Variants in SVIL observed in about 807,000 individuals in gnomAD.
The protein encoded by SVIL is supervillin, also known as archvillin.
Under a neutral mutation model 240.4 loss-of-function variants are expected in SVIL, and 101 were observed. The ratio of observed to expected loss-of-function variants is 0.42; its 90% CI spans 0.36 to 0.50. The LOEUF (loss-of-function observed/expected upper bound fraction) is 0.50. Ranked by LOEUF, SVIL falls within the 20% of genes least tolerant of loss-of-function variation. The pLI is 0.01. For synonymous variants in SVIL, 999 were observed against 1,100.0 expected (o/e 0.91, Z 1.82); for missense variants, 2,512 against 2,818.7 (o/e 0.89, Z 2.46).
intron 2 of SVIL, among the ~76,000 whole-genome samples, chr10:29,686,045 G>T (rs1961044281): frequency 6.6e-6 from 1 of 152,146 alleles, no homozygotes; most frequent in Admixed American, 6.5e-5. Flanking sequence ...GGACCAATTT[G>T]CCTAACAAAG....
At chr10:29,676,452 C>G (rs35444616) in intron 2 of SVIL, among the ~76,000 whole-genome samples, 345 of 152,240 alleles carry the variant, frequency 2.3e-3, no homozygotes, top group Non-Finnish European at 4.1e-3. Context: ...AACACAAATA[C>G]TAGGTAAATG....
intron 1 of SVIL, among the ~76,000 whole-genome samples, chr10:29,708,082 C>A (rs1263449061): frequency 6.6e-6 from 1 of 150,502 alleles, no homozygotes; most frequent in African/African-American, 2.4e-5. Flanking sequence ...ACGGTGAAAC[C>A]CCGTCTCCAC....
chr10:29,462,283 T>C lies in SVIL; in HGVS notation c.6396A>G (p.Thr2132=), dbSNP rs1432703726. 1.2e-6 allele frequency: 2 copies of C among 1,614,030 alleles called. No homozygotes were observed. The highest frequency in any genetic ancestry group is 2.2e-5 in the East Asian group (1 of 44,894). ...WEHREDIAEI[T]EMDTEVSNQI... is the part of the protein sequence containing the mutation. ...GGCAGGAAAGCGTGCTCACCATCTC[T>C]GTGATCTCAGCGATGTCCTCTCTGT... is the stretch of plus-strand genomic sequence containing the variant. Residue 2132 remains threonine (T), a synonymous_variant, in exon 36 of 38, where the codon ACA becomes ACG. Coordinates refer to ENST00000355867, the MANE Select transcript of SVIL (RefSeq NM_021738.3).
chr10:29,570,238 C>T (rs1365550712), intron 1 of SVIL, among the ~76,000 whole-genome samples: 2 of 152,222 alleles, frequency 1.3e-5, no homozygotes, highest in African/African-American at 4.8e-5. Flanking sequence ...AACATCTAAG[C>T]TTTTCTCTTA....
At chr10:29,636,777 T>G (rs1217558583), upstream of SVIL, among the ~76,000 whole-genome samples, 3 of 152,074 alleles carry the variant, frequency 2.0e-5, no homozygotes, top group East Asian at 5.8e-4. Flanking sequence ...CCTATCAAAA[T>G]CTTGCAAGGT....
rs1943733802 is a variant in SVIL, at chr10:29,457,820, T to C, written c.*427A>G. On this transcript the variant is annotated 3_prime_UTR_variant, in exon 38 of 38. Coordinates refer to ENST00000355867, the MANE Select transcript of SVIL (RefSeq NM_021738.3). The stretch of plus-strand genomic sequence containing the variant: ...ATCTTGAAAGTGAATGAATACATAT[T>C]GCTTTGTTAAATACATATTTGACTT... 1 of 152,762 alleles carries C rather than the reference T, an allele frequency of 6.5e-6. No individual in the cohort carries two copies. Among genetic ancestry groups the C allele is most frequent in the South Asian group, 2.1e-4 (1 of 4,832 alleles). 9.5% of individuals were successfully genotyped at this position (152,762 alleles called of 1,614,324 possible). A position where few individuals can be genotyped will look rare whatever the true frequency, so the allele number is the denominator to read the frequency against.
chr10:29,514,393 C>A (rs552552304), intron 16 of SVIL, among the ~76,000 whole-genome samples: 3 of 152,062 alleles, frequency 2.0e-5, no homozygotes, highest in Admixed American at 6.6e-5. Context: ...TGCATCACTG[C>A]GCCTGGTTAA....
intron 1 of SVIL, among the ~76,000 whole-genome samples, chr10:29,573,051 C>T (rs1490793466): frequency 2.0e-5 from 3 of 151,362 alleles, no homozygotes; most frequent in Non-Finnish European, 4.4e-5. Context: ...TTTTCCTTTT[C>T]TCCTTTTTTT....
chr10:29,735,500 G>A lies in SVIL; in HGVS notation c.-400+251C>T, dbSNP rs1334031536. Among the ~76,000 whole-genome samples the A allele has an allele frequency of 2.0e-5, 3 of 150,222 alleles. No individual in the cohort carries two copies. The highest frequency in any genetic ancestry group is 7.4e-5 in the African/African-American group (3 of 40,808). ...AGTGGGTGGGAGCCGCGGCCGCGCC[G>A]CGCCTTTGTTACGGCTCGGGGACCC... On this transcript the variant is annotated intron_variant, in intron 1 of 35. Transcript: ENST00000375400. This position sits in a 1 kb window ranked among gnomAD's most constrained non-coding sequence, Gnocchi z 4.1.
chr10:29,682,406 T>C (rs1166196393), intron 2 of SVIL, among the ~76,000 whole-genome samples: 1 of 152,176 alleles, frequency 6.6e-6, no homozygotes, highest in Non-Finnish European at 1.5e-5. Context: ...ATTAAGTAAA[T>C]GTTTATGAAG....
Position 29,484,771 on chromosome 10 carries a change from C to G in SVIL, c.4840G>C (p.Ala1614Pro). The stretch of plus-strand genomic sequence containing the variant: ...AGCTGAAATGCTATTTTTCGTTGTG[C>G]TAATGTGACTTCTTTCCCATGCCAT... ...YVWHGKEVTL[A>P]QRKIAFQLAK... The change falls in exon 27 of 38, where the codon GCA (alanine) becomes CCA (proline). Residue 1614 changes from alanine (A) to proline (P), a missense_variant. Physicochemically the swap from Ala to Pro is conservative, Grantham distance 27. This residue lies in a region of SVIL where 797 missense variants were observed against 925.3 expected (regional missense o/e 0.86). Coordinates refer to ENST00000355867, the MANE Select transcript of SVIL (RefSeq NM_021738.3). This position sits in a 1 kb window ranked among gnomAD's most constrained non-coding sequence, Gnocchi z 4.7. 1.2e-6 allele frequency: 2 copies of G among 1,613,876 alleles called. No individual in the cohort carries two copies. Among genetic ancestry groups the G allele is most frequent in the South Asian group, 2.2e-5 (2 of 91,020 alleles).
chr10:29,526,766 A>G (rs772804171), intron 13 of SVIL, among the ~76,000 whole-genome samples, 195 bp downstream of exon 13: 2 of 152,226 alleles, frequency 1.3e-5, no homozygotes, highest in Non-Finnish European at 2.9e-5. Context: ...AGAGAGACAA[A>G]ATGTTTTCCC....
upstream of SVIL, among the ~76,000 whole-genome samples, chr10:29,736,111 G>A (rs1451508411): frequency 6.6e-6 from 1 of 152,072 alleles, no homozygotes; most frequent in Non-Finnish European, 1.5e-5. Flanking sequence ...GCCAGTGCGC[G>A]GGGACCACGC....
intron 23 of SVIL, 123 bp from the exon 24 acceptor site, chr10:29,487,422 TGCCCATG>T (rs1419990041): frequency 2.7e-6 from 3 of 1,101,236 alleles, no homozygotes; most frequent in Non-Finnish European, 3.8e-6. Flanking sequence ...CTAATAAGAG[TGCCCATG>T]GCCCAGGGTG....
chr10:29,564,700 C>T (rs994670305), intron 2 of SVIL, among the ~76,000 whole-genome samples: 13 of 152,206 alleles, frequency 8.5e-5, no homozygotes, highest in African/African-American at 3.1e-4. Context: ...TAGAACCAAG[C>T]CCATCTGAAA....
intron 1 of SVIL, among the ~76,000 whole-genome samples, chr10:29,711,245 C>T (rs1271670979): frequency 6.6e-6 from 1 of 151,834 alleles, no homozygotes; most frequent in African/African-American, 2.4e-5. Flanking sequence ...ACTAAAAATA[C>T]AAAAATTAGC....
chr10:29,731,858 G>A (rs1419450800), intron 1 of SVIL, among the ~76,000 whole-genome samples: 1 of 152,186 alleles, frequency 6.6e-6, no homozygotes, highest in African/African-American at 2.4e-5. Context: ...CCCAGCAGCT[G>A]GCAAGTTCTC....
At chr10:29,504,110 A>T (rs1949095702) in intron 17 of SVIL, among the ~76,000 whole-genome samples, 1 of 152,248 alleles carries the variant, frequency 6.6e-6, no homozygotes, top group African/African-American at 2.4e-5. Context: ...AGTATTTTTC[A>T]ACAAACGATG....
chr10:29,460,223 A>ATAAT (rs1172437765), intron 36 of SVIL, among the ~76,000 whole-genome samples: 7 of 152,200 alleles, frequency 4.6e-5, no homozygotes, highest in Non-Finnish European at 1.0e-4. Flanking sequence ...TAAAATGGGA[A>ATAAT]TAATAATAAG....
Sources: gnomAD v4.1 joint callset for allele counts (sites outside exome capture counted in the v4.1 genomes callset) on GRCh38, gnomAD v4.1.1 for gene constraint, gnomAD v4.1.1 regional missense constraint, Gnocchi (gnomAD v3.1) non-coding constraint, MANE v1.5 for transcripts, NCBI Gene and HGNC (gene_info 2026-07-23, HGNC 2026-07-21) for gene names.